Variants in SLC14A2 observed in about 807,000 individuals in gnomAD.
SLC14A2 encodes the protein urea transporter 2.
Under a neutral mutation model 104.6 loss-of-function variants are expected in SLC14A2, and 91 were observed. That is an observed-to-expected ratio of 0.87 (90% CI 0.73 to 1.04). SLC14A2 has a LOEUF of 1.04. SLC14A2 is among the 50% of genes least tolerant of loss of function. The pLI is 0.00. For synonymous variants in SLC14A2, 476 were observed against 466.4 expected (o/e 1.02, Z -0.27); for missense variants, 1,189 against 1,156.0 (o/e 1.03, Z -0.41).
intron 7 of SLC14A2, 38 bp downstream of exon 7, chr18:45,639,931 A>C: frequency 6.3e-7 from 1 of 1,589,540 alleles, no homozygotes; most frequent in Non-Finnish European, 8.6e-7. Context: ...CCTCAGGATA[A>C]TTCACTCAAG....
At chr18:45,520,939 G>A (rs989351798) in intron 2 of SLC14A2, among the ~76,000 whole-genome samples, 1 of 152,122 alleles carries the variant, frequency 6.6e-6, no homozygotes, top group Admixed American at 6.5e-5. Flanking sequence ...TTGGTGATTG[G>A]GTGCTTCCCC....
At chr18:45,169,692 C>G in the SLC14A2 span, among the ~76,000 whole-genome samples, 3 of 152,318 alleles carry the variant, frequency 2.0e-5, no homozygotes, top group South Asian at 6.2e-4. Context: ...CCAGAAAACC[C>G]TGCTCCATTT....
intron 10 of SLC14A2, among the ~76,000 whole-genome samples, chr18:45,661,939 GA>G (rs946792238): frequency 3.2e-4 from 49 of 152,358 alleles, no homozygotes; most frequent in African/African-American, 1.1e-3. Context: ...ACAGGATGCT[GA>G]AACAGTAGCT....
chr18:45,554,787 G>A (rs925441153), intron 2 of SLC14A2, among the ~76,000 whole-genome samples: 10 of 152,150 alleles, frequency 6.6e-5, no homozygotes, highest in Admixed American at 2.0e-4. Flanking sequence ...GAGAGGAGCA[G>A]CAGATATGCT....
intron 1 of SLC14A2, among the ~76,000 whole-genome samples, chr18:45,621,297 A>C (rs2045164550): frequency 6.6e-6 from 1 of 152,190 alleles, no homozygotes; most frequent in African/African-American, 2.4e-5. Flanking sequence ...GTCAGAATAC[A>C]AGGAAAGGCC....
At chr18:45,207,608 A>G in the SLC14A2 span, among the ~76,000 whole-genome samples, 1 of 152,180 alleles carries the variant, frequency 6.6e-6, no homozygotes, top group African/African-American at 2.4e-5. Flanking sequence ...CTGGGTTGCT[A>G]ACAACAGCTT....
At chr18:45,374,119 C>T (rs568136436) in intron 1 of SLC14A2, among the ~76,000 whole-genome samples, 18 of 152,246 alleles carry the variant, frequency 1.2e-4, no homozygotes, top group East Asian at 3.9e-4. Context: ...TACCCAGCAC[C>T]CACTGCTGAC....
At chr18:45,675,710 T>TATATATCTATATATATATATATCTATATA (rs1555639293) in intron 18 of SLC14A2, among the ~76,000 whole-genome samples, 1 of 46,214 alleles carries the variant, frequency 2.2e-5, no homozygotes, top group African/African-American at 6.4e-5. Flanking sequence ...TATATATATA[T>TATATATCTATATATATATATATCTATATA]TTTTTTTTTT....
At chr18:45,367,149 T>C (rs1254371679) in intron 1 of SLC14A2, among the ~76,000 whole-genome samples, 2 of 152,148 alleles carry the variant, frequency 1.3e-5, no homozygotes, top group African/African-American at 4.8e-5. Flanking sequence ...CAGTTTGGAG[T>C]AAGAGAAATG....
intron 1 of SLC14A2, among the ~76,000 whole-genome samples, chr18:45,312,143 C>T (rs2085085225): frequency 6.6e-6 from 1 of 152,146 alleles, no homozygotes; most frequent in African/African-American, 2.4e-5. Context: ...TCGTTTGGCT[C>T]ATTTATAAAA....
upstream of SLC14A2, among the ~76,000 whole-genome samples, chr18:45,613,600 C>T (rs964916411): frequency 6.6e-6 from 1 of 152,164 alleles, no homozygotes; most frequent in Non-Finnish European, 1.5e-5. Context: ...AGATGAGGAA[C>T]TTGTTGGGAA....
chr18:45,670,983 G>A (rs950447302), intron 16 of SLC14A2, among the ~76,000 whole-genome samples: 15 of 152,208 alleles, frequency 9.9e-5, no homozygotes, highest in South Asian at 2.1e-4. Flanking sequence ...TGTGTTAGTC[G>A]GATCCTTGAT....
rs577464759 is a variant in SLC14A2, at chr18:45,477,836, A to G, written c.-124-5397A>G. ...AGTAATGGCGGATGCCCTTACCCCA[A>G]CCAACCTCGAGCATCCCAGGCTGAC... On this transcript the variant is annotated intron_variant, in intron 1 of 20. Coordinates refer to the SLC14A2 transcript ENST00000586448. 1.6e-4 allele frequency among the ~76,000 whole-genome samples: 24 copies of G among 152,194 alleles called. No homozygotes were observed. The East Asian group carries it at 3.3e-3, about 21-fold the overall frequency.
At chr18:45,295,606 G>A (rs752945309) in intron 1 of SLC14A2, among the ~76,000 whole-genome samples, 10 of 152,094 alleles carry the variant, frequency 6.6e-5, no homozygotes, top group African/African-American at 9.7e-5. Flanking sequence ...CACATTTCTC[G>A]GAAGCAATCC....
At chr18:45,446,821 C>T (rs1280803083) in intron 1 of SLC14A2, among the ~76,000 whole-genome samples, 2 of 152,196 alleles carry the variant, frequency 1.3e-5, no homozygotes, top group East Asian at 3.9e-4. Context: ...TGGGGCTCAG[C>T]AAGATGAATA....
intron 2 of SLC14A2, among the ~76,000 whole-genome samples, chr18:45,502,574 A>G (rs988251496): frequency 5.9e-5 from 9 of 152,238 alleles, no homozygotes; most frequent in Non-Finnish European, 1.2e-4. Context: ...GCACCATGAG[A>G]TGCTAGAGTG....
At chr18:45,616,862 C>A (rs1213408615) in intron 1 of SLC14A2, among the ~76,000 whole-genome samples, 2 of 152,058 alleles carry the variant, frequency 1.3e-5, no homozygotes, top group East Asian at 3.9e-4. Context: ...CTTTGAAAGA[C>A]CAAGGTGGGC....
chr18:45,180,821 T>C, the SLC14A2 span, among the ~76,000 whole-genome samples: 1 of 152,102 alleles, frequency 6.6e-6, no homozygotes, highest in Admixed American at 6.6e-5. Flanking sequence ...CTGGGACATA[T>C]AAAATCAAAC....
chr18:45,432,766 T>A (rs536466785), intron 1 of SLC14A2, among the ~76,000 whole-genome samples: 53 of 152,134 alleles, frequency 3.5e-4, no homozygotes, highest in Non-Finnish European at 6.6e-4. Flanking sequence ...AGTAGACATG[T>A]GATCCTAAGA....
Sources: allele counts gnomAD v4.1 joint callset (sites outside exome capture counted in the v4.1 genomes callset), GRCh38; gene constraint gnomAD v4.1.1; transcripts MANE v1.5; gene names NCBI Gene and HGNC (gene_info 2026-07-23, HGNC 2026-07-21).